The following DIAPH3 variants were observed in gnomAD, a reference collection of about 807,000 sequenced individuals.
The protein encoded by DIAPH3 is diaphanous related formin 3.
Under a neutral mutation model 144.3 loss-of-function variants are expected in DIAPH3, and 117 were observed. The ratio of observed to expected loss-of-function variants is 0.81; its 90% CI spans 0.70 to 0.95. The LOEUF is 0.95. Ranked by LOEUF, DIAPH3 falls within the 40% of genes least tolerant of loss-of-function variation. The pLI is 0.00. For synonymous variants in DIAPH3, 519 were observed against 488.9 expected, an observed-to-expected ratio of 1.06 and a Z score of -0.81; for missense variants, 1,421 against 1,412.7, an observed-to-expected ratio of 1.01 and a Z score of -0.09.
intron 25 of DIAPH3, among the ~76,000 whole-genome samples, chr13:59,775,244 T>C (rs779725146): frequency 2.0e-5 from 3 of 152,116 alleles, no homozygotes; most frequent in Non-Finnish European, 2.9e-5. Context: ...TTTTGTTTTT[T>C]GTTTTTTGTT....
intron 1 of DIAPH3, among the ~76,000 whole-genome samples, chr13:60,160,088 G>C (rs1566837723): frequency 1.3e-5 from 2 of 152,138 alleles, no homozygotes; most frequent in Non-Finnish European, 2.9e-5. Context: ...GCCGGGCGTT[G>C]CGGTGGGCAC....
intron 25 of DIAPH3, among the ~76,000 whole-genome samples, chr13:59,792,731 C>T (rs1009291344): frequency 1.3e-5 from 2 of 152,140 alleles, no homozygotes; most frequent in Non-Finnish European, 2.9e-5. Context: ...CTAGTTTAGA[C>T]TCTGTGGTGC....
chr13:59,861,904 CT>C (rs2043615414), intron 21 of DIAPH3, among the ~76,000 whole-genome samples: 1 of 152,188 alleles, frequency 6.6e-6, no homozygotes, highest in Non-Finnish European at 1.5e-5. Flanking sequence ...CTACTAGCTA[CT>C]GTAGTAGTTG....
rs2059424952 is a variant in DIAPH3, at chr13:60,141,507, T to A, written c.181-8518A>T. On this transcript the variant is annotated intron_variant, in intron 1 of 27. Coordinates refer to ENST00000400324, the MANE Select transcript of DIAPH3 (RefSeq NM_001042517.2). ...CACCTGCTAATCATATATGCTTAAA[T>A]GCATGCTAATTAACAGGCAAGCATT... Among the ~76,000 whole-genome samples the A allele has an allele frequency of 3.9e-5, 6 of 152,338 alleles. No individual in the cohort carries two copies. In the South Asian group the frequency reaches 1.2e-3, roughly 32 times the overall value.
chr13:59,724,745 A>C lies in DIAPH3; in HGVS notation c.3319+49444T>G, dbSNP rs78393051. 8.1e-3 allele frequency among the ~76,000 whole-genome samples: 1,234 copies of C among 152,352 alleles called. 14 individuals are homozygous for C. The highest frequency in any genetic ancestry group is 0.028 in the African/African-American group (1,177 of 41,586). On this transcript the variant is annotated intron_variant, in intron 27 of 27. Transcript: ENST00000400324. The stretch of plus-strand genomic sequence containing the variant: ...ATGGTAGTCACAGATAGTGAAAGAA[A>C]TCGTTGTGAAAATTACACATAATAG...
intron 19 of DIAPH3, among the ~76,000 whole-genome samples, chr13:59,915,777 A>C (rs190865707): frequency 6.6e-5 from 10 of 152,180 alleles, no homozygotes. Flanking sequence ...AAACTCCCTC[A>C]ATCTTCTAAA....
At chr13:59,988,329 A>T (rs750519958) in intron 12 of DIAPH3, among the ~76,000 whole-genome samples, 1 of 151,922 alleles carries the variant, frequency 6.6e-6, no homozygotes, top group Non-Finnish European at 1.5e-5. Flanking sequence ...TACATCTATT[A>T]CATTTAAAAA....
chr13:59,832,016 T>C (rs2041804293), intron 24 of DIAPH3, among the ~76,000 whole-genome samples: 1 of 151,890 alleles, frequency 6.6e-6, no homozygotes, highest in African/African-American at 2.4e-5. Flanking sequence ...GAAATTCAAA[T>C]CTAGCTCTCT....
chr13:59,821,747 C>A (rs1169893766), intron 24 of DIAPH3, among the ~76,000 whole-genome samples: 2 of 152,046 alleles, frequency 1.3e-5, no homozygotes, highest in Admixed American at 6.6e-5. Flanking sequence ...TCTAGTATTA[C>A]CAAATCCAAT....
At chr13:59,822,309 G>A (rs2041114523) in intron 24 of DIAPH3, among the ~76,000 whole-genome samples, 1 of 152,060 alleles carries the variant, frequency 6.6e-6, no homozygotes, top group African/African-American at 2.4e-5. Context: ...GCACAAGATG[G>A]CAGCCATAGT....
intron 22 of DIAPH3, among the ~76,000 whole-genome samples, chr13:59,846,054 T>C (rs896050640): frequency 1.3e-5 from 2 of 152,210 alleles, no homozygotes; most frequent in Non-Finnish European, 2.9e-5. Context: ...CCAAGTGTCT[T>C]ATTATTATGA....
At chr13:59,917,377 G>C (rs74084466) in intron 18 of DIAPH3, among the ~76,000 whole-genome samples, 387 of 152,218 alleles carry the variant, frequency 2.5e-3, no homozygotes, top group African/African-American at 8.9e-3. Context: ...TCAGGAAACA[G>C]GATCTACTTC....
chr13:59,869,634 T>C (rs1179927033), intron 21 of DIAPH3, among the ~76,000 whole-genome samples: 1 of 152,220 alleles, frequency 6.6e-6, no homozygotes, highest in Non-Finnish European at 1.5e-5. Context: ...ATCTTTTGCA[T>C]GAAAATGTTA....
At chr13:59,774,693 C>T (rs572778814) in intron 26 of DIAPH3, 35 bp downstream of exon 26, 2 of 1,577,788 alleles carry the variant, frequency 1.3e-6, no homozygotes, top group Non-Finnish European at 1.7e-6. Flanking sequence ...GTGATAGCTC[C>T]CTAGAAAGTA....
intron 27 of DIAPH3, among the ~76,000 whole-genome samples, chr13:59,751,674 A>G (rs918776731): frequency 2.0e-5 from 3 of 152,244 alleles, no homozygotes; most frequent in Admixed American, 6.5e-5. Context: ...ATTTTATATT[A>G]GGAGCTACAA....
intron 14 of DIAPH3, among the ~76,000 whole-genome samples, chr13:59,975,580 G>A (rs2140630067): frequency 6.6e-6 from 1 of 152,074 alleles, no homozygotes; most frequent in Non-Finnish European, 1.5e-5. Context: ...AGAAAATAGA[G>A]ATTTTCCACA....
intron 27 of DIAPH3, among the ~76,000 whole-genome samples, chr13:59,700,429 T>C (rs908461374): frequency 2.0e-5 from 3 of 152,156 alleles, no homozygotes; most frequent in Non-Finnish European, 4.4e-5. Context: ...CTGACAAGTA[T>C]CCCCAAGAAT....
At chr13:59,882,608 G>C (rs2140075249) in intron 20 of DIAPH3, among the ~76,000 whole-genome samples, 1 of 152,192 alleles carries the variant, frequency 6.6e-6, no homozygotes, top group East Asian at 1.9e-4. Context: ...AGGCAGAAAT[G>C]AACTATGGTG....
intron 27 of DIAPH3, among the ~76,000 whole-genome samples, chr13:59,748,126 C>T (rs1181996348): frequency 6.6e-6 from 1 of 152,140 alleles, no homozygotes; most frequent in Non-Finnish European, 1.5e-5. Flanking sequence ...TGGTAGAGTT[C>T]CGGGTACCAA....
Sources: gnomAD v4.1 joint callset for allele counts (sites outside exome capture counted in the v4.1 genomes callset) on GRCh38, gnomAD v4.1.1 for gene constraint, MANE v1.5 for transcripts, NCBI Gene and HGNC (gene_info 2026-07-23, HGNC 2026-07-21) for gene names.